The following DST variants were observed in gnomAD, a reference collection of about 807,000 sequenced individuals.
DST encodes the protein bullous pemphigoid antigen.
A neutral mutation model predicts 875.2 loss-of-function variants in DST; 253 were observed. The ratio of observed to expected loss-of-function variants is 0.29; its 90% CI spans 0.26 to 0.32. The LOEUF (loss-of-function observed/expected upper bound fraction) is 0.32, where lower values mean the gene tolerates loss of function less well. DST is among the 10% of genes least tolerant of loss of function. The pLI, the probability that DST is intolerant of heterozygous loss-of-function variation, is 1.00. For synonymous variants in DST, 3,124 were observed against 3,197.1 expected, an observed-to-expected ratio of 0.98 and a Z score of 0.77; for missense variants, 8,287 against 9,111.6, an observed-to-expected ratio of 0.91 and a Z score of 3.68.
intron 36 of DST, chr6:56,615,448 A>C: frequency 1.2e-6 from 2 of 1,608,588 alleles, no homozygotes; most frequent in South Asian, 2.2e-5. Context: ...AGCCGATATC[A>C]TCATACTCTG....
intron 4 of DST, among the ~76,000 whole-genome samples, chr6:56,779,331 G>T (rs905272596): frequency 6.6e-6 from 1 of 151,984 alleles, no homozygotes; most frequent in African/African-American, 2.4e-5. Context: ...CCATTCTGTA[G>T]GTTGCCTGTT....
At chr6:56,576,492 C>T (rs529442733) in intron 50 of DST, among the ~76,000 whole-genome samples, 2 of 152,160 alleles carry the variant, frequency 1.3e-5, no homozygotes, top group South Asian at 4.2e-4. Context: ...GAAGCTAATT[C>T]CAGGTAGACA....
chr6:56,546,347 C>T (rs1414544818), intron 61 of DST, among the ~76,000 whole-genome samples: 6 of 72,638 alleles, frequency 8.3e-5, no homozygotes, highest in Non-Finnish European at 1.5e-4. Flanking sequence ...ATACATATTT[C>T]ATATATATAT....
Position 56,561,342 on chromosome 6 carries a change from G to A in DST, c.14276C>T (p.Thr4759Ile), listed in dbSNP as rs2097533615. The part of the protein sequence containing the change: ...KWQQTPAPTD[T>I]EAVKTQVEQN... ...CTCAACTTGAGTCTTCACAGCTTCA[G>A]TATCTGTAGGTGCAGGTGTCTGCTG... Residue 4759 changes from threonine to isoleucine, a missense_variant, in exon 57 of 104, where the codon ACT (threonine) becomes ATT (isoleucine). Transcript: ENST00000680361. 1 of 1,613,610 alleles carries A rather than the reference G, an allele frequency of 6.2e-7. No individual in the cohort carries two copies. The highest frequency in any genetic ancestry group is 8.5e-7 in the Non-Finnish European group (1 of 1,179,698).
At chr6:56,523,308 A>G (rs2096740222) in intron 69 of DST, among the ~76,000 whole-genome samples, 3 of 152,128 alleles carry the variant, frequency 2.0e-5, no homozygotes, top group Admixed American at 2.0e-4. Flanking sequence ...ATGTTATGAA[A>G]GTTCAATAGC....
At chr6:56,696,029 T>C (rs1344647966) in intron 9 of DST, among the ~76,000 whole-genome samples, 2 of 152,204 alleles carry the variant, frequency 1.3e-5, no homozygotes, top group East Asian at 3.8e-4. Flanking sequence ...AACCAAAACA[T>C]AGATGTGTTC....
intron 78 of DST, among the ~76,000 whole-genome samples, chr6:56,501,933 T>A (rs2096141652): frequency 6.6e-6 from 1 of 152,104 alleles, no homozygotes; most frequent in African/African-American, 2.4e-5. Flanking sequence ...AATTTTGACA[T>A]TTCATTTCAT....
intron 4 of DST, among the ~76,000 whole-genome samples, chr6:56,830,528 T>C (rs2099785745): frequency 6.6e-6 from 1 of 152,206 alleles, no homozygotes; most frequent in African/African-American, 2.4e-5. Flanking sequence ...ACATGGTTCC[T>C]CCTTTGTCAC....
chr6:56,509,486 C>A (rs886914279), intron 74 of DST, among the ~76,000 whole-genome samples, 156 bp downstream of exon 74: 1 of 152,202 alleles, frequency 6.6e-6, no homozygotes, highest in Non-Finnish European at 1.5e-5. Flanking sequence ...AAGACATTAA[C>A]AAGGGATTTG....
chr6:56,615,668 A>T, intron 36 of DST: 1 of 1,614,098 alleles, frequency 6.2e-7, no homozygotes, highest in Non-Finnish European at 8.5e-7. Flanking sequence ...TATATTTCTG[A>T]CATATGACTT....
chr6:56,626,908 A>T (rs549037078), intron 34 of DST, among the ~76,000 whole-genome samples: 125 of 152,222 alleles, frequency 8.2e-4, no homozygotes, highest in Middle Eastern at 6.8e-3. Flanking sequence ...TCTCCCATGA[A>T]ATACCCTAAC....
intron 9 of DST, among the ~76,000 whole-genome samples, chr6:56,679,790 A>G (rs960963176): frequency 6.6e-6 from 1 of 151,872 alleles, no homozygotes; most frequent in African/African-American, 2.4e-5. Context: ...ATTCTTCACT[A>G]CTTGTCTAAA....
intron 4 of DST, among the ~76,000 whole-genome samples, chr6:56,767,113 G>T (rs2099635410): frequency 6.6e-6 from 1 of 152,172 alleles, no homozygotes; most frequent in South Asian, 2.1e-4. Flanking sequence ...ATCAGCTAAA[G>T]ATCAGGTAAG....
intron 49 of DST, among the ~76,000 whole-genome samples, chr6:56,590,776 C>T (rs1049069979): frequency 6.6e-6 from 1 of 152,196 alleles, no homozygotes. Context: ...GTGCCCTCCA[C>T]CCTCTTGACC....
At chr6:56,854,989 G>T (rs552509378) in intron 3 of DST, among the ~76,000 whole-genome samples, 2 of 152,272 alleles carry the variant, frequency 1.3e-5, no homozygotes, top group East Asian at 1.9e-4. Flanking sequence ...AAAGAGCTGT[G>T]GAGTAACCAT....
At chr6:56,861,224 C>T (rs1770995931) in intron 3 of DST, among the ~76,000 whole-genome samples, 1 of 152,180 alleles carries the variant, frequency 6.6e-6, no homozygotes, top group East Asian at 1.9e-4. Flanking sequence ...TTTATTACTG[C>T]ACAGAAGCAA....
At chr6:56,704,676 T>C (rs2099326127) in intron 5 of DST, among the ~76,000 whole-genome samples, 2 of 152,144 alleles carry the variant, frequency 1.3e-5, no homozygotes. Context: ...GCCCTGACTT[T>C]ATTCATGATT....
chr6:56,477,599 GT>G, intron 90 of DST, 111 bp from the exon 91 acceptor site: 1 of 1,369,240 alleles, frequency 7.3e-7, no homozygotes, highest in Non-Finnish European at 1.0e-6. Flanking sequence ...ACTTCAATTG[GT>G]TTATTCACAG....
Position 56,849,134 on chromosome 6 carries a change from A to ATTTT in DST, c.625+2259_625+2262dup, listed in dbSNP as rs755617631. Among the ~76,000 whole-genome samples, 393 of 114,970 alleles carry ATTTT rather than the reference A, an allele frequency of 3.4e-3. 12 individuals carry two copies. Among genetic ancestry groups the ATTTT allele is most frequent in the African/African-American group, 9.4e-3 (260 of 27,604 alleles). The allele number at this position is 114,970 out of a possible 152,430, so 75.4% of individuals were successfully genotyped here. A position where few individuals can be genotyped will look rare whatever the true frequency, so the allele number is the denominator to read the frequency against. ...TTTCTGCTTTTGAAGAATTCATGCA[A>ATTTT]TTTTTTTTTTTTTTTTTTTTTGAGA... On this transcript the variant is annotated intron_variant, in intron 4 of 103. Coordinates refer to ENST00000680361, the MANE Select transcript of DST (RefSeq NM_001374736.1).
Sources: gnomAD v4.1 joint callset for allele counts (sites outside exome capture counted in the v4.1 genomes callset) on GRCh38, gnomAD v4.1.1 for gene constraint, MANE v1.5 for transcripts, NCBI Gene and HGNC (gene_info 2026-07-23, HGNC 2026-07-21) for gene names.